NXPH4: variants seen among roughly 807,000 people sequenced by gnomAD.
NXPH4 encodes neurexophilin 4, also known as neurexophilin-4.
In NXPH4, 8 loss-of-function variants were observed where a neutral mutation model predicts 21.3. The ratio of observed to expected loss-of-function variants is 0.38; its 90% CI spans 0.22 to 0.68. The LOEUF is 0.68. Among genes scored for constraint, NXPH4 ranks in the 30% least tolerant of loss-of-function variants. The pLI is 0.53. For synonymous variants in NXPH4, 219 were observed against 192.6 expected, an observed-to-expected ratio of 1.14 and a Z score of -1.13; for missense variants, 418 against 416.8, an observed-to-expected ratio of 1.00 and a Z score of -0.03.
rs1249672669 is a variant in NXPH4 at position 57,225,107 on chromosome 12, C to T, written c.287C>T (p.Ser96Phe). The T allele has an allele frequency of 2.7e-6, 4 of 1,509,238 alleles. No individual in the cohort carries two copies. Among genetic ancestry groups the T allele is most frequent in the Non-Finnish European group, 3.6e-6 (4 of 1,126,050 alleles). The allele number at this position is 1,509,238 out of a possible 1,614,324, so 93.5% of individuals were successfully genotyped here. Reference sequence around the variant, plus strand: ...GCGCAGCGCACCAAGAGGAAGCCGTCCATCAAGGCGGCGCGCGCCAAAAAG... The same window carrying T: ...GCGCAGCGCACCAAGAGGAAGCCGTTCATCAAGGCGGCGCGCGCCAAAAAG... Reference protein sequence around the residue: ...LPAQRTKRKPSIKAARAKKIF... With the variant: ...LPAQRTKRKPFIKAARAKKIF... The change falls in exon 2 of 2, where the codon TCC becomes TTC. Residue 96 changes from serine to phenylalanine, a missense_variant. Coordinates refer to ENST00000349394, the MANE Select transcript of NXPH4 (RefSeq NM_007224.4).
chr12:57,221,588 G>GC (rs2037092676), intron 1 of NXPH4: 1 of 329,146 alleles, frequency 3.0e-6, no homozygotes, highest in African/African-American at 2.2e-5. Flanking sequence ...TCCTGGTGCA[G>GC]CTCTCCCCGC....
intron 1 of NXPH4, among the ~76,000 whole-genome samples, chr12:57,221,706 C>A (rs1463773009): frequency 6.6e-6 from 1 of 152,212 alleles, no homozygotes; most frequent in South Asian, 2.1e-4. Context: ...CAAATGTCAC[C>A]GCGCCCAATT....
chr12:57,222,299 G>T (rs2037099576), intron 1 of NXPH4, among the ~76,000 whole-genome samples: 1 of 152,170 alleles, frequency 6.6e-6, no homozygotes, highest in Non-Finnish European at 1.5e-5. Context: ...TGAGATCAGA[G>T]ATGGGGGTGA....
chr12:57,226,020 C>A lies in NXPH4; in HGVS notation c.*273C>A. 1.8e-6 allele frequency: 2 copies of A among 1,123,972 alleles called. No individual in the cohort carries two copies. The highest frequency in any genetic ancestry group is 2.4e-6 in the Non-Finnish European group (2 of 829,304). 69.6% of individuals were successfully genotyped at this position (1,123,972 alleles called of 1,614,324 possible). Reference sequence around the variant, plus strand: ...AATAGGCGGGGCTTGGAGGCGGTCCCAATGTCCCCTGGGTCCACAGTGGGT... The same window carrying A: ...AATAGGCGGGGCTTGGAGGCGGTCCAAATGTCCCCTGGGTCCACAGTGGGT... On this transcript the variant is annotated 3_prime_UTR_variant, in exon 2 of 2. Transcript: ENST00000349394.
intron 1 of NXPH4, among the ~76,000 whole-genome samples, chr12:57,222,915 CG>C (rs1565763483): frequency 1.3e-5 from 2 of 152,124 alleles, no homozygotes; most frequent in Non-Finnish European, 2.9e-5. Context: ...CGCAGCGTGG[CG>C]GGGACGGGGA....
At chr12:57,217,554 C>T (rs1054672056) in intron 1 of NXPH4, among the ~76,000 whole-genome samples, 2 of 152,204 alleles carry the variant, frequency 1.3e-5, no homozygotes, top group African/African-American at 4.8e-5. Context: ...CTACAGCCAG[C>T]CTCCCATCAC....
intron 1 of NXPH4, among the ~76,000 whole-genome samples, chr12:57,223,312 G>A (rs994614437): frequency 3.3e-5 from 5 of 152,004 alleles, no homozygotes; most frequent in East Asian, 3.9e-4. Context: ...ACCCAGACAC[G>A]TAACCACACC....
At chr12:57,221,502 T>A (rs1010187052) in intron 1 of NXPH4, 6 of 372,390 alleles carry the variant, frequency 1.6e-5, no homozygotes, top group African/African-American at 8.4e-5. Context: ...CGAAGTGGAG[T>A]TTGTTGCCCC....
chr12:57,220,231 C>T (rs916325395), intron 1 of NXPH4, among the ~76,000 whole-genome samples: 1 of 152,094 alleles, frequency 6.6e-6, no homozygotes, highest in Non-Finnish European at 1.5e-5. Context: ...GCGCGGCTCC[C>T]CCTCTCCCCC....
intron 1 of NXPH4, among the ~76,000 whole-genome samples, chr12:57,223,536 T>A (rs2136771428): frequency 6.6e-6 from 1 of 152,138 alleles, no homozygotes; most frequent in Middle Eastern, 3.4e-3. Flanking sequence ...CACAACCATT[T>A]GGGGCTAACA....
Position 57,225,159 on chromosome 12 carries a change from T to C in NXPH4, c.339T>C (p.Phe113=). ...TCTTCGGCTGGGGGGACTTCTACTT[T>C]CGGGTGCATACCCTCAAGTTTTCGC... ...KKIFGWGDFY[F]RVHTLKFSLL... is the part of the protein sequence containing the mutation. Residue 113 remains phenylalanine (F), a synonymous_variant, in exon 2 of 2, where the codon TTT becomes TTC. Transcript: ENST00000349394. 1 of 1,582,330 alleles carries C rather than the reference T, an allele frequency of 6.3e-7. No homozygotes were observed. Among genetic ancestry groups the C allele is most frequent in the Non-Finnish European group, 8.6e-7 (1 of 1,163,586 alleles).
chr12:57,217,842 G>GTCC (rs1565762084), intron 1 of NXPH4, among the ~76,000 whole-genome samples: 1 of 152,240 alleles, frequency 6.6e-6, no homozygotes, highest in East Asian at 1.9e-4. Context: ...GTCACCGTGT[G>GTCC]CACCTGTGTG....
At chr12:57,222,537 GCTT>G (rs1279224249) in intron 1 of NXPH4, among the ~76,000 whole-genome samples, 1 of 152,092 alleles carries the variant, frequency 6.6e-6, no homozygotes, top group Non-Finnish European at 1.5e-5. Flanking sequence ...GGATGACTGG[GCTT>G]CTGGAAAGAA....
At position 57,225,759 on chromosome 12, in the gene NXPH4, A is replaced by G. The variant is rs371687013; in HGVS notation, c.*12A>G. 214 of 1,603,938 alleles carry G rather than the reference A, an allele frequency of 1.3e-4. No individual in the cohort carries two copies. Among genetic ancestry groups the G allele is most frequent in the Non-Finnish European group, 1.7e-4 (201 of 1,173,426 alleles). On this transcript the variant is annotated 3_prime_UTR_variant, in exon 2 of 2. Coordinates refer to ENST00000349394, the MANE Select transcript of NXPH4 (RefSeq NM_007224.4). ...CCTACTTCGGATAGCGCCCCTCCCC[A>G]GCCAGTCCTGAGCCTCCCGCCAAAT...
chr12:57,220,937 C>A (rs1385578588), intron 1 of NXPH4, among the ~76,000 whole-genome samples: 1 of 150,954 alleles, frequency 6.6e-6, no homozygotes, highest in Non-Finnish European at 1.5e-5. Flanking sequence ...ATCCACCATT[C>A]CTGTCCCCAT....
At chr12:57,222,116 G>C (rs572569061) in intron 1 of NXPH4, among the ~76,000 whole-genome samples, 5 of 151,836 alleles carry the variant, frequency 3.3e-5, no homozygotes, top group African/African-American at 1.2e-4. Flanking sequence ...CTCGGCTCTC[G>C]TTTCCTCACA....
chr12:57,218,274 C>T (rs1436247527), intron 1 of NXPH4, among the ~76,000 whole-genome samples: 1 of 152,236 alleles, frequency 6.6e-6, no homozygotes, highest in Non-Finnish European at 1.5e-5. Context: ...AGCATTAGAG[C>T]TCCCTGGCCC....
Position 57,225,069 on chromosome 12 carries a change from C to A in NXPH4, c.249C>A (p.Ala83=), listed in dbSNP as rs1248967227. Residue 83 remains alanine, a synonymous_variant, in exon 2 of 2, where the codon GCC becomes GCA. Transcript: ENST00000349394. Reference sequence around the variant, plus strand: ...GGGCGCTGGCCCGGGCAGGGGCAGCCGGGGCGTTGCCCGCGCAGCGCACCA... The same window carrying A: ...GGGCGCTGGCCCGGGCAGGGGCAGCAGGGGCGTTGCCCGCGCAGCGCACCA... ...HTGALARAGA[A]GALPAQRTKR... 1.4e-6 allele frequency: 2 copies of A among 1,474,712 alleles called. No individual in the cohort carries two copies. The highest frequency in any genetic ancestry group is 1.8e-6 in the Non-Finnish European group (2 of 1,111,338). 91.4% of individuals were successfully genotyped at this position (1,474,712 alleles called of 1,614,324 possible).
chr12:57,225,076 T>C lies in NXPH4; in HGVS notation c.256T>C (p.Leu86=), dbSNP rs2136773119. The part of the protein sequence containing the change: ...ALARAGAAGA[L]PAQRTKRKPS... ...GGCCCGGGCAGGGGCAGCCGGGGCG[T>C]TGCCCGCGCAGCGCACCAAGAGGAA... The change falls in exon 2 of 2, where the codon TTG becomes CTG. Residue 86 remains leucine, a synonymous_variant. Transcript: ENST00000349394. The C allele has an allele frequency of 6.8e-7, 1 of 1,475,692 alleles. No homozygotes were observed. The highest frequency in any genetic ancestry group is 2.5e-5 in the East Asian group (1 of 39,696). The allele number at this position is 1,475,692 out of a possible 1,614,324, so 91.4% of individuals were successfully genotyped here.
Sources: allele counts gnomAD v4.1 joint callset (sites outside exome capture counted in the v4.1 genomes callset), GRCh38; gene constraint gnomAD v4.1.1; transcripts MANE v1.5; gene names NCBI Gene and HGNC (gene_info 2026-07-23, HGNC 2026-07-21).